The following NMNAT3 variants were observed in gnomAD, a reference collection of about 807,000 sequenced individuals.
NMNAT3 encodes the protein nicotinamide/nicotinic acid mononucleotide adenylyltransferase 3.
Under a neutral mutation model 24.8 loss-of-function variants are expected in NMNAT3, and 21 were observed. The observed-to-expected ratio is 0.85, with a 90% CI of 0.60 to 1.22. The LOEUF is 1.22. Among genes scored for constraint, NMNAT3 ranks in the 50% most tolerant of loss-of-function variants. The pLI is 0.00. For missense variants in NMNAT3, 387 were observed against 436.6 expected, an observed-to-expected ratio of 0.89 and a Z score of 1.01; for synonymous variants, 136 against 155.2, an observed-to-expected ratio of 0.88 and a Z score of 0.92.
intron 2 of NMNAT3, among the ~76,000 whole-genome samples, chr3:139,631,703 C>T (rs1046555336): frequency 6.6e-6 from 1 of 152,088 alleles, no homozygotes; most frequent in Non-Finnish European, 1.5e-5. Flanking sequence ...CATTTCATCC[C>T]ACTCCTCAAG....
intron 4 of NMNAT3, among the ~76,000 whole-genome samples, chr3:139,582,190 C>CAAAAAAAAA (rs756159164): frequency 4.3e-5 from 1 of 23,054 alleles, no homozygotes; most frequent in African/African-American, 1.3e-4. Flanking sequence ...GACTCCCTCT[C>CAAAAAAAAA]AAAAAAAAAA....
chr3:139,611,843 T>TG (rs1398158551), intron 3 of NMNAT3, among the ~76,000 whole-genome samples: 1 of 152,156 alleles, frequency 6.6e-6, no homozygotes, highest in African/African-American at 2.4e-5. Context: ...CTCTTCTTTC[T>TG]GGGGGTATCT....
At chr3:139,575,579 T>C in intron 5 of NMNAT3, 1 of 996,606 alleles carries the variant, frequency 1.0e-6, no homozygotes, top group Non-Finnish European at 1.2e-6. Context: ...CTCATTTTAC[T>C]TACCTTGAAG....
intron 1 of NMNAT3, among the ~76,000 whole-genome samples, chr3:139,654,312 T>G (rs2057162556): frequency 6.6e-6 from 1 of 152,220 alleles, no homozygotes; most frequent in Non-Finnish European, 1.5e-5. Context: ...GATGAAAAAC[T>G]AAGCCACTGG....
At chr3:139,671,261 T>A (rs1263967761) in intron 1 of NMNAT3, among the ~76,000 whole-genome samples, 1 of 152,232 alleles carries the variant, frequency 6.6e-6, no homozygotes, top group Non-Finnish European at 1.5e-5. Flanking sequence ...TGTAACCGCA[T>A]TCTGTTCCCA....
At chr3:139,655,946 C>T (rs141191883) in intron 1 of NMNAT3, among the ~76,000 whole-genome samples, 41 of 152,302 alleles carry the variant, frequency 2.7e-4, no homozygotes, top group Middle Eastern at 6.8e-3. Flanking sequence ...TCACACTCTT[C>T]GGCTCTAAAT....
chr3:139,594,590 A>G (rs2054358106), intron 3 of NMNAT3, among the ~76,000 whole-genome samples: 1 of 152,244 alleles, frequency 6.6e-6, no homozygotes, highest in South Asian at 2.1e-4. Context: ...CGAATCCAGC[A>G]GCACATCAAA....
intron 1 of NMNAT3, among the ~76,000 whole-genome samples, chr3:139,675,779 T>C (rs1559984074): frequency 6.6e-6 from 1 of 152,242 alleles, no homozygotes; most frequent in Non-Finnish European, 1.5e-5. Context: ...TACTGCTCTA[T>C]GTATTTTAGG....
intron 1 of NMNAT3, among the ~76,000 whole-genome samples, chr3:139,661,933 T>G (rs551814217): frequency 6.6e-6 from 1 of 152,300 alleles, no homozygotes; most frequent in East Asian, 1.9e-4. Context: ...TGATATCATC[T>G]AATCCAACAT....
chr3:139,649,294 A>G (rs1478333597), intron 1 of NMNAT3, among the ~76,000 whole-genome samples: 1 of 151,182 alleles, frequency 6.6e-6, no homozygotes, highest in Non-Finnish European at 1.5e-5. Context: ...CCTGTAACCC[A>G]GCTAATGTTG....
At chr3:139,606,187 A>G (rs537143611) in intron 3 of NMNAT3, among the ~76,000 whole-genome samples, 1 of 152,332 alleles carries the variant, frequency 6.6e-6, no homozygotes, top group South Asian at 2.1e-4. Flanking sequence ...ATTGTTCCAC[A>G]GTTCAATCGA....
At chr3:139,582,190 C>CAAAAAAAAAAAAAAAAAA (rs756159164) in intron 4 of NMNAT3, among the ~76,000 whole-genome samples, 1 of 23,062 alleles carries the variant, frequency 4.3e-5, no homozygotes, top group Admixed American at 5.2e-4. Flanking sequence ...GACTCCCTCT[C>CAAAAAAAAAAAAAAAAAA]AAAAAAAAAA....
At chr3:139,579,865 A>G (rs571820987) in intron 4 of NMNAT3, among the ~76,000 whole-genome samples, 1 of 152,032 alleles carries the variant, frequency 6.6e-6, no homozygotes, top group South Asian at 2.1e-4. Context: ...TTTTTCTGCA[A>G]CTCTTGATTG....
At chr3:139,595,782 C>T (rs1354190337) in intron 3 of NMNAT3, among the ~76,000 whole-genome samples, 2 of 152,146 alleles carry the variant, frequency 1.3e-5, no homozygotes, top group Non-Finnish European at 2.9e-5. Context: ...AACTGGATCC[C>T]TTCCTTACAC....
chr3:139,665,459 C>T (rs1299352127), intron 1 of NMNAT3, among the ~76,000 whole-genome samples: 1 of 152,120 alleles, frequency 6.6e-6, no homozygotes, highest in African/African-American at 2.4e-5. Flanking sequence ...AGTCCATAAT[C>T]TCTAGGAGCC....
chr3:139,674,324 A>C (rs2057855394), intron 1 of NMNAT3, among the ~76,000 whole-genome samples: 1 of 152,210 alleles, frequency 6.6e-6, no homozygotes, highest in Admixed American at 6.5e-5. Flanking sequence ...TGATGAAGGA[A>C]TCATGAGTCC....
intron 1 of NMNAT3, among the ~76,000 whole-genome samples, chr3:139,676,426 A>C (rs9810042): frequency 6.6e-6 from 1 of 152,040 alleles, no homozygotes; most frequent in Non-Finnish European, 1.5e-5. Flanking sequence ...TCCAGTTTTA[A>C]GAGGTGACAC....
In NMNAT3 at chr3:139,600,528, G is replaced by A. The variant is rs1273663338; in HGVS notation, c.110-17320C>T. On this transcript the variant is annotated intron_variant, in intron 3 of 6. Transcript: ENST00000643695. ...TCACCATGTTGGTCAGGCTGGTCTC[G>A]AACTCCTGACCTCAGGTGATCCACC... Among the ~76,000 whole-genome samples, 3 of 151,916 alleles carry A rather than the reference G, an allele frequency of 2.0e-5. No individual in the cohort carries two copies. The East Asian group carries it at 5.8e-4, about 29-fold the overall frequency.
At chr3:139,624,541 G>A (rs1046338510) in intron 3 of NMNAT3, among the ~76,000 whole-genome samples, 5 of 151,550 alleles carry the variant, frequency 3.3e-5, no homozygotes, top group African/African-American at 4.9e-5. Flanking sequence ...TCTGCCTCTC[G>A]GATTCAAGCC....
Sources: allele counts gnomAD v4.1 joint callset (sites outside exome capture counted in the v4.1 genomes callset), GRCh38; gene constraint gnomAD v4.1.1; transcripts MANE v1.5; gene names NCBI Gene and HGNC (gene_info 2026-07-23, HGNC 2026-07-21).